The following PHF21A variants were observed in gnomAD, a reference collection of about 807,000 sequenced individuals.
The protein encoded by PHF21A is PHD finger protein 21A.
In PHF21A, 11 loss-of-function variants were observed where a neutral mutation model predicts 82.5. That is an observed-to-expected ratio of 0.13 (90% CI 0.08 to 0.22). PHF21A has a LOEUF of 0.22. PHF21A is among the 10% of genes least tolerant of loss of function. PHF21A has a pLI of 1.00. For missense variants in PHF21A, 579 were observed against 837.8 expected (o/e 0.69, Z 3.81); for synonymous variants, 297 against 302.8 (o/e 0.98, Z 0.20).
intron 10 of PHF21A, among the ~76,000 whole-genome samples, chr11:45,964,989 C>T (rs966535590): frequency 1.3e-5 from 2 of 152,136 alleles, no homozygotes; most frequent in African/African-American, 2.4e-5. Context: ...ACTAACATGG[C>T]GTTTTCTGTT....
intron 6 of PHF21A, among the ~76,000 whole-genome samples, chr11:46,040,867 C>T (rs1428777258): frequency 6.8e-6 from 1 of 147,654 alleles, no homozygotes; most frequent in Non-Finnish European, 1.5e-5. Flanking sequence ...TCTATTTCAC[C>T]CTTAGAACTA....
chr11:46,120,078 G>C (rs541146453), intron 1 of PHF21A, among the ~76,000 whole-genome samples: 1 of 149,574 alleles, frequency 6.7e-6, no homozygotes, highest in East Asian at 2.0e-4. Context: ...AAGAATAAGC[G>C]GAATTTCCCC....
In PHF21A at chr11:46,021,074, A is replaced by G. The variant is rs559574550; in HGVS notation, c.154-41108T>C. Among the ~76,000 whole-genome samples, 344 of 151,494 alleles carry G rather than the reference A, an allele frequency of 2.3e-3. 6 individuals carry two copies. The East Asian group carries it at 0.04, about 18-fold the overall frequency. The stretch of plus-strand genomic sequence containing the variant: ...AGATAGATTCTTTAAAAAAAAAAAA[A>G]AGAGAGACAAGGTCTTACTCTACCA... On this transcript the variant is annotated intron_variant, in intron 6 of 18. Transcript: ENST00000676320.
intron 6 of PHF21A, among the ~76,000 whole-genome samples, chr11:46,044,912 T>C (rs571713861): frequency 4.6e-5 from 7 of 152,340 alleles, no homozygotes; most frequent in East Asian, 3.9e-4. Context: ...ATTCAAAAGA[T>C]AGGAACTGAT....
At chr11:45,943,449 G>A (rs1237170687) in intron 15 of PHF21A, among the ~76,000 whole-genome samples, 2 of 152,028 alleles carry the variant, frequency 1.3e-5, no homozygotes, top group African/African-American at 4.8e-5. Context: ...CAAAGTGTTG[G>A]GATTTACAGG....
chr11:46,079,904 A>C (rs1289013982), intron 4 of PHF21A, among the ~76,000 whole-genome samples: 1 of 152,150 alleles, frequency 6.6e-6, no homozygotes, highest in African/African-American at 2.4e-5. Flanking sequence ...AGGAAAGGAA[A>C]GGAAGAAAAA....
At chr11:46,022,690 G>A (rs966235850) in intron 6 of PHF21A, among the ~76,000 whole-genome samples, 16 of 152,130 alleles carry the variant, frequency 1.1e-4, no homozygotes, top group Non-Finnish European at 1.8e-4. Context: ...TCTAACCCCT[G>A]GGCTGAAGCG....
At chr11:45,951,452 C>T in intron 11 of PHF21A, among the ~76,000 whole-genome samples, 1 of 152,202 alleles carries the variant, frequency 6.6e-6, no homozygotes, top group South Asian at 2.1e-4. Flanking sequence ...TTTCTTATTT[C>T]AAAAACTGAG....
intron 6 of PHF21A, among the ~76,000 whole-genome samples, chr11:45,988,284 C>A (rs2094563256): frequency 6.6e-6 from 1 of 152,100 alleles, no homozygotes; most frequent in African/African-American, 2.4e-5. Flanking sequence ...CCATTATTTT[C>A]AAAGATGAGG....
intron 6 of PHF21A, among the ~76,000 whole-genome samples, chr11:46,045,373 C>A (rs1053818270): frequency 6.6e-6 from 1 of 152,070 alleles, no homozygotes; most frequent in African/African-American, 2.4e-5. Flanking sequence ...TGATTAATTT[C>A]ATATAAAAAT....
intron 6 of PHF21A, among the ~76,000 whole-genome samples, chr11:45,998,296 G>A (rs2094980600): frequency 6.6e-6 from 1 of 152,196 alleles, no homozygotes; most frequent in African/African-American, 2.4e-5. Flanking sequence ...TGCAAGCACT[G>A]TGCTAATCAC....
chr11:46,078,634 G>T (rs2096756120), intron 5 of PHF21A, among the ~76,000 whole-genome samples: 1 of 151,876 alleles, frequency 6.6e-6, no homozygotes. Flanking sequence ...CCTCCTTTAA[G>T]GGTTCTTTCA....
intron 12 of PHF21A, 145 bp from the exon 13 acceptor site, chr11:45,949,626 C>A: frequency 1.4e-6 from 1 of 708,948 alleles, no homozygotes. Flanking sequence ...CAGAGGCAAG[C>A]ACACTACTGG....
At chr11:46,120,167 G>A (rs1215039615) in intron 1 of PHF21A, among the ~76,000 whole-genome samples, 1 of 149,502 alleles carries the variant, frequency 6.7e-6, no homozygotes, top group Non-Finnish European at 1.5e-5. Flanking sequence ...ACTGGGGCCC[G>A]GCAGCGTCAG....
At chr11:45,988,443 AGT>A (rs2094568679) in intron 6 of PHF21A, among the ~76,000 whole-genome samples, 1 of 152,236 alleles carries the variant, frequency 6.6e-6, no homozygotes, top group African/African-American at 2.4e-5. Context: ...TTTAAACAAA[AGT>A]AACACTTGTA....
chr11:46,086,268 G>A (rs1005624711), intron 3 of PHF21A, among the ~76,000 whole-genome samples: 4 of 151,926 alleles, frequency 2.6e-5, no homozygotes, highest in East Asian at 1.9e-4. Context: ...ACAGGTGCCC[G>A]CCACTACACC....
At chr11:45,946,820 T>C (rs1479648001) in intron 14 of PHF21A, among the ~76,000 whole-genome samples, 1 of 152,220 alleles carries the variant, frequency 6.6e-6, no homozygotes, top group Non-Finnish European at 1.5e-5. Flanking sequence ...GTCTGCATTT[T>C]ATGAGGGTGG....
intron 6 of PHF21A, among the ~76,000 whole-genome samples, chr11:46,050,801 G>T (rs1053469858): frequency 2.0e-5 from 3 of 152,156 alleles, no homozygotes; most frequent in Non-Finnish European, 4.4e-5. Context: ...GGCATTGTTC[G>T]AGACAAAGGA....
chr11:46,088,740 C>A (rs2096886029), intron 3 of PHF21A, among the ~76,000 whole-genome samples: 1 of 152,160 alleles, frequency 6.6e-6, no homozygotes, highest in Admixed American at 6.5e-5. Context: ...ACACTTAATT[C>A]TTTTCTCTAT....
Sources: allele counts gnomAD v4.1 joint callset (sites outside exome capture counted in the v4.1 genomes callset), GRCh38; gene constraint gnomAD v4.1.1; transcripts MANE v1.5; gene names NCBI Gene and HGNC (gene_info 2026-07-23, HGNC 2026-07-21).